Variants in SLIT1 observed in about 807,000 individuals in gnomAD.
SLIT1 encodes slit homolog 1 protein.
Under a neutral mutation model 186.1 loss-of-function variants are expected in SLIT1, and 66 were observed. The observed-to-expected ratio is 0.35, with a 90% CI of 0.29 to 0.44. SLIT1 has a LOEUF of 0.44. SLIT1 is among the 20% of genes least tolerant of loss of function. The pLI is 1.00. For synonymous variants in SLIT1, 761 were observed against 833.8 expected, an observed-to-expected ratio of 0.91 and a Z score of 1.50; for missense variants, 1,638 against 2,037.4, an observed-to-expected ratio of 0.80 and a Z score of 3.77.
intron 4 of SLIT1, among the ~76,000 whole-genome samples, chr10:97,125,048 C>CA (rs1305757681): frequency 1.7e-4 from 26 of 152,090 alleles, no homozygotes; most frequent in Non-Finnish European, 1.5e-5. Context: ...ATCAAACTGG[C>CA]AAAGTGAAAA....
At chr10:97,024,389 A>G (rs1372213469) in intron 25 of SLIT1, among the ~76,000 whole-genome samples, 3 of 152,180 alleles carry the variant, frequency 2.0e-5, no homozygotes, top group South Asian at 2.1e-4. Context: ...TCATGTTTCA[A>G]TAAAGAGCCT....
chr10:97,118,845 T>C (rs1048244074), intron 4 of SLIT1, among the ~76,000 whole-genome samples: 5 of 152,204 alleles, frequency 3.3e-5, no homozygotes, highest in African/African-American at 4.8e-5. Flanking sequence ...AGACAGTACA[T>C]ATAAAATGTT....
At position 97,021,975 on chromosome 10, in the gene SLIT1, G is replaced by T. The variant is rs1334624847; in HGVS notation, c.2583-562C>A. 6.6e-6 allele frequency among the ~76,000 whole-genome samples: 1 copy of T among 152,218 alleles called. No individual in the cohort carries two copies. The highest frequency in any genetic ancestry group is 1.5e-5 in the Non-Finnish European group (1 of 68,036). On this transcript the variant is annotated intron_variant, in intron 25 of 36. Transcript: ENST00000266058. The surrounding 1 kb of genome is among the most constrained non-coding windows in gnomAD (Gnocchi z 4.5). ...GAGGCTCAAAAAGGCTGAGGAATTT[G>T]CCTAAGATCACACAGAGAAACGGGA...
chr10:97,177,901 G>A (rs762874967), intron 1 of SLIT1, among the ~76,000 whole-genome samples: 7 of 152,110 alleles, frequency 4.6e-5, no homozygotes, highest in East Asian at 1.9e-4. Context: ...ACTTGAACCC[G>A]GGAGGTGGGG....
At position 97,002,940 on chromosome 10, in the gene SLIT1, G is replaced by A. The variant is rs148583876; in HGVS notation, c.3918C>T (p.Asn1306=). The change falls in exon 35 of 37, where the codon AAC becomes AAT. Residue 1306 remains asparagine (N), a synonymous_variant. Transcript: ENST00000266058. ...GGATGCAACCGTGGAAGCCGGTGCC[G>A]TTGAGGATCTGCCACAGGCGGAAGG... ...SAAFRLWQIL[N]GTGFHGCIRN... 348 of 1,614,094 alleles carry A rather than the reference G, an allele frequency of 2.2e-4. No individual in the cohort carries two copies. The highest frequency in any genetic ancestry group is 6.7e-4 in the African/African-American group (50 of 74,948).
intron 13 of SLIT1, among the ~76,000 whole-genome samples, chr10:97,051,276 C>T (rs1196598403): frequency 1.4e-5 from 2 of 145,002 alleles, no homozygotes; most frequent in African/African-American, 5.1e-5. Context: ...AAAAAAAAGA[C>T]AAACAATACC....
Position 97,004,853 on chromosome 10 carries a change from C to G in SLIT1, c.3580-30G>C. The G allele has an allele frequency of 6.2e-7, 1 of 1,613,772 alleles. No homozygotes were observed. The highest frequency in any genetic ancestry group is 8.5e-7 in the Non-Finnish European group (1 of 1,179,782). On this transcript the variant is annotated intron_variant, in intron 32 of 36. Coordinates refer to ENST00000266058, the MANE Select transcript of SLIT1 (RefSeq NM_003061.3). The surrounding 1 kb of genome is among the most constrained non-coding windows in gnomAD (Gnocchi z 5.1). ...TGGGCAGTGGCACTTTCTCTCCCAC[C>G]CCACCCCATGCAGCAGCGGCACAGG...
intron 4 of SLIT1, among the ~76,000 whole-genome samples, chr10:97,088,751 C>T (rs1417693688): frequency 6.6e-6 from 1 of 152,126 alleles, no homozygotes; most frequent in Non-Finnish European, 1.5e-5. Context: ...GAGGGGAGCA[C>T]CTTCAGAAGC....
intron 25 of SLIT1, among the ~76,000 whole-genome samples, chr10:97,028,348 A>T (rs529617859): frequency 1.8e-4 from 27 of 151,798 alleles, no homozygotes; most frequent in African/African-American, 6.5e-4. Context: ...GTTCCCCACA[A>T]TTCCCTTTCT....
intron 1 of SLIT1, among the ~76,000 whole-genome samples, chr10:97,179,806 C>CT (rs574891067): frequency 1.3e-4 from 19 of 148,538 alleles, no homozygotes; most frequent in East Asian, 1.2e-3. Context: ...ACCCTCCCCG[C>CT]CCCCCGGCAC....
At chr10:97,107,647 C>T (rs550932097) in intron 4 of SLIT1, among the ~76,000 whole-genome samples, 81 of 152,312 alleles carry the variant, frequency 5.3e-4, no homozygotes, top group African/African-American at 1.8e-3. Flanking sequence ...CAAGGAAATG[C>T]ACAAGCAGCT....
chr10:97,043,020 A>G lies in SLIT1; in HGVS notation c.2045T>C (p.Leu682Pro). 1.2e-6 allele frequency: 2 copies of G among 1,614,184 alleles called. No homozygotes were observed. ...PFNCNCQLAW[L>P]GGWLRKRKIV... Reference sequence around the variant, plus strand: ...CTTGCGCTTCCGTAGCCAGCCTCCTAGCCAGGCCAGCTGGCAGTTGCAGTT... The same window carrying G: ...CTTGCGCTTCCGTAGCCAGCCTCCTGGCCAGGCCAGCTGGCAGTTGCAGTT... Residue 682 changes from leucine to proline, a missense_variant, in exon 20 of 37, where the codon CTA (leucine) becomes CCA (proline). Around this residue, in one of 3 missense-constraint regions of SLIT1, gnomAD observed 1,245 missense variants for 1,535.3 expected, o/e 0.81. Coordinates refer to ENST00000266058, the MANE Select transcript of SLIT1 (RefSeq NM_003061.3). The surrounding 1 kb of genome is among the most constrained non-coding windows in gnomAD (Gnocchi z 7.0).
intron 4 of SLIT1, among the ~76,000 whole-genome samples, chr10:97,156,648 G>A (rs1179149789): frequency 6.6e-6 from 1 of 152,176 alleles, no homozygotes; most frequent in Non-Finnish European, 1.5e-5. Context: ...TTACAGAGAG[G>A]TCTAGAAATC....
chr10:97,179,384 G>C (rs1251963467), intron 1 of SLIT1, among the ~76,000 whole-genome samples: 2 of 152,142 alleles, frequency 1.3e-5, no homozygotes, highest in Non-Finnish European at 2.9e-5. Context: ...CTTGAGCCCA[G>C]GAATTTGAGA....
rs145064703 is a variant in SLIT1 at position 97,054,327 on chromosome 10, T to C, written c.1301+1994A>G. 4.2e-3 allele frequency among the ~76,000 whole-genome samples: 631 copies of C among 152,010 alleles called. 7 individuals are homozygous for C. The highest frequency in any genetic ancestry group is 0.014 in the African/African-American group (600 of 41,470). On this transcript the variant is annotated intron_variant, in intron 13 of 36. Coordinates refer to ENST00000266058, the MANE Select transcript of SLIT1 (RefSeq NM_003061.3). ...ACCCTTGCTTCGCCTTCTGCCATGA[T>C]TGTAAGCTTCCTGAGGCCTCACCAG...
intron 4 of SLIT1, among the ~76,000 whole-genome samples, chr10:97,121,640 C>G (rs1849560788): frequency 6.6e-6 from 1 of 152,164 alleles, no homozygotes; most frequent in African/African-American, 2.4e-5. Context: ...CACCAGAAAA[C>G]CCTCGGGCTA....
At chr10:97,170,948 C>T (rs1444581075) in intron 1 of SLIT1, among the ~76,000 whole-genome samples, 1 of 152,162 alleles carries the variant, frequency 6.6e-6, no homozygotes. Flanking sequence ...TTCACAATTT[C>T]TCACCCTGGA....
rs1351008647 is a variant in SLIT1 at position 97,172,572 on chromosome 10, A to G, written c.198-7682T>C. Among the ~76,000 whole-genome samples, 3 of 152,226 alleles carry G rather than the reference A, an allele frequency of 2.0e-5. 1 individual carries two copies. The East Asian group carries it at 5.8e-4, about 29-fold the overall frequency. On this transcript the variant is annotated intron_variant, in intron 1 of 36. Transcript: ENST00000266058. ...ATAGCATTAGTTGAGTGGGTTTTCC[A>G]TGTTTCTTTGTTTCCCTACTCCGAA...
chr10:97,134,579 T>C (rs1849684459), intron 4 of SLIT1, among the ~76,000 whole-genome samples: 1 of 152,170 alleles, frequency 6.6e-6, no homozygotes, highest in Non-Finnish European at 1.5e-5. Context: ...ACCTGGGTGC[T>C]GTGAGCGCCT....
Sources: allele counts gnomAD v4.1 joint callset (sites outside exome capture counted in the v4.1 genomes callset), GRCh38; gene constraint gnomAD v4.1.1; regional missense constraint gnomAD v4.1.1; non-coding constraint Gnocchi (gnomAD v3.1); transcripts MANE v1.5; gene names NCBI Gene and HGNC (gene_info 2026-07-23, HGNC 2026-07-21).